TNKS: variants seen among roughly 807,000 people sequenced by gnomAD.
The protein encoded by TNKS is poly [ADP-ribose] polymerase tankyrase-1.
A neutral mutation model predicts 135.8 loss-of-function variants in TNKS; 72 were observed. The ratio of observed to expected loss-of-function variants is 0.53; its 90% CI spans 0.44 to 0.64. The LOEUF (loss-of-function observed/expected upper bound fraction) is 0.64. TNKS is among the 30% of genes least tolerant of loss of function. The pLI, the probability that TNKS is intolerant of heterozygous loss-of-function variation, is 0.00. For synonymous variants in TNKS, 849 were observed against 649.3 expected (o/e 1.31, Z -4.68); for missense variants, 1,769 against 1,674.0 (o/e 1.06, Z -0.99).
At chr8:9,757,536 A>T (rs1806904120) in intron 20 of TNKS, among the ~76,000 whole-genome samples, 1 of 151,964 alleles carries the variant, frequency 6.6e-6, no homozygotes, top group Non-Finnish European at 1.5e-5. Context: ...CTGAATTATG[A>T]CCTTCTTCTG....
At chr8:9,757,609 G>T (rs1184171348) in intron 20 of TNKS, among the ~76,000 whole-genome samples, 1 of 152,032 alleles carries the variant, frequency 6.6e-6, no homozygotes, top group African/African-American at 2.4e-5. Flanking sequence ...CCGTGACCAA[G>T]CAGGTCACCT....
At chr8:9,774,498 A>AT (rs1362826676) in intron 26 of TNKS, among the ~76,000 whole-genome samples, 1 of 152,236 alleles carries the variant, frequency 6.6e-6, no homozygotes, top group Non-Finnish European at 1.5e-5. Context: ...AAATACATAC[A>AT]TACATCCTAC....
At chr8:9,674,303 T>C (rs996518426) in intron 3 of TNKS, among the ~76,000 whole-genome samples, 2 of 152,194 alleles carry the variant, frequency 1.3e-5, no homozygotes, top group Non-Finnish European at 2.9e-5. Context: ...ACAAGTAAAC[T>C]AGTGGCAGAG....
rs1432488276 is a variant in TNKS, at chr8:9,594,101, G to A, written c.898+13718G>A. On this transcript the variant is annotated intron_variant, in intron 2 of 26. Coordinates refer to ENST00000310430, the MANE Select transcript of TNKS (RefSeq NM_003747.3). ...GGGGTTTCGCCATTTTGGCCGGGCT[G>A]GTCTCAGACTCCTGACCTCAGGCGG... Among the ~76,000 whole-genome samples the A allele has an allele frequency of 2.6e-5, 4 of 152,102 alleles. No individual in the cohort carries two copies. The East Asian group carries it at 7.7e-4, about 29-fold the overall frequency.
intron 3 of TNKS, among the ~76,000 whole-genome samples, chr8:9,618,546 G>A (rs541372812): frequency 3.2e-4 from 49 of 152,272 alleles, no homozygotes; most frequent in Middle Eastern, 3.4e-3. Flanking sequence ...TAAACTGAAG[G>A]ACTTGGAGGT....
chr8:9,621,018 TATAAATACTC>T (rs1232376226), intron 3 of TNKS, among the ~76,000 whole-genome samples: 1 of 152,258 alleles, frequency 6.6e-6, no homozygotes, highest in Admixed American at 6.5e-5. Flanking sequence ...TTCCAGGTCA[TATAAATACTC>T]ATTAACCATT....
intron 11 of TNKS, among the ~76,000 whole-genome samples, chr8:9,713,783 T>C (rs983365125): frequency 3.3e-5 from 5 of 152,202 alleles, no homozygotes; most frequent in African/African-American, 1.2e-4. Context: ...GTGTATCTGG[T>C]GATTAATGTG....
chr8:9,602,597 C>G (rs1347615420), intron 2 of TNKS, among the ~76,000 whole-genome samples: 5 of 152,168 alleles, frequency 3.3e-5, no homozygotes, highest in African/African-American at 7.2e-5. Flanking sequence ...GAGCCAGTAG[C>G]CTACACCTAC....
chr8:9,556,569 G>A lies in TNKS; in HGVS notation c.630G>A (p.Lys210=), dbSNP rs748843389. 1.2e-6 allele frequency: 2 copies of A among 1,614,022 alleles called. No individual in the cohort carries two copies. Among genetic ancestry groups the A allele is most frequent in the Non-Finnish European group, 1.7e-6 (2 of 1,180,050 alleles). ...RLVDAANVNA[K]DMAGRKSSPL... is the part of the protein sequence containing the mutation. ...TGGACGCGGCAAACGTAAATGCAAA[G>A]GACATGGCCGGCCGGAAGTCTTCTC... Residue 210 remains lysine (K), a synonymous_variant, in exon 1 of 27, where the codon AAG becomes AAA. Transcript: ENST00000310430.
At chr8:9,650,581 T>C (rs1412180596) in intron 3 of TNKS, among the ~76,000 whole-genome samples, 1 of 152,228 alleles carries the variant, frequency 6.6e-6, no homozygotes, top group Non-Finnish European at 1.5e-5. Context: ...TTGAGCATTT[T>C]TTCATATGTT....
chr8:9,662,631 A>T (rs1047522591), intron 3 of TNKS, among the ~76,000 whole-genome samples: 6 of 152,124 alleles, frequency 3.9e-5, no homozygotes, highest in Non-Finnish European at 7.4e-5. Flanking sequence ...GCATTAGGAG[A>T]TACACCTAAT....
chr8:9,599,646 T>G (rs1798935027), intron 2 of TNKS, among the ~76,000 whole-genome samples: 1 of 152,214 alleles, frequency 6.6e-6, no homozygotes, highest in Admixed American at 6.5e-5. Flanking sequence ...TGTGAGCAGA[T>G]AATTCTGATT....
chr8:9,609,106 CTTGTA>C (rs975168648), intron 2 of TNKS, among the ~76,000 whole-genome samples: 4 of 152,074 alleles, frequency 2.6e-5, no homozygotes, highest in African/African-American at 9.7e-5. Context: ...GATCTTTCAG[CTTGTA>C]TTTTATTTTA....
intron 11 of TNKS, among the ~76,000 whole-genome samples, chr8:9,716,890 G>T (rs1381288730): frequency 2.6e-5 from 4 of 151,274 alleles, no homozygotes; most frequent in Non-Finnish European, 5.9e-5. Flanking sequence ...AGCTGATAGG[G>T]TCTGTCCCGT....
chr8:9,637,403 G>C (rs1424534761), intron 3 of TNKS, among the ~76,000 whole-genome samples: 1 of 151,938 alleles, frequency 6.6e-6, no homozygotes, highest in Non-Finnish European at 1.5e-5. Context: ...ATATATATTT[G>C]GCTCCAGTAT....
chr8:9,733,783 T>G (rs1206215861), intron 15 of TNKS, among the ~76,000 whole-genome samples: 15 of 152,210 alleles, frequency 9.9e-5, no homozygotes. Context: ...AGTTGGGTTT[T>G]TTTTCTTTGT....
At chr8:9,677,245 T>C (rs1315049872) in intron 3 of TNKS, among the ~76,000 whole-genome samples, 1 of 152,218 alleles carries the variant, frequency 6.6e-6, no homozygotes, top group Non-Finnish European at 1.5e-5. Flanking sequence ...TAGAAAGTCA[T>C]TTGTAATACC....
At chr8:9,662,843 C>A (rs1224089132) in intron 3 of TNKS, among the ~76,000 whole-genome samples, 3 of 152,134 alleles carry the variant, frequency 2.0e-5, no homozygotes, top group Non-Finnish European at 4.4e-5. Flanking sequence ...CTCAATCTGC[C>A]ATTTACTAGT....
chr8:9,746,553 GTTT>G (rs1806245832), intron 17 of TNKS, among the ~76,000 whole-genome samples: 1 of 151,978 alleles, frequency 6.6e-6, no homozygotes, highest in Non-Finnish European at 1.5e-5. Flanking sequence ...AAATATTGTT[GTTT>G]TCAAGGTTTT....
Sources: gnomAD v4.1 joint callset for allele counts (sites outside exome capture counted in the v4.1 genomes callset) on GRCh38, gnomAD v4.1.1 for gene constraint, MANE v1.5 for transcripts, NCBI Gene and HGNC (gene_info 2026-07-23, HGNC 2026-07-21) for gene names.